Variants in BRIP1 observed in about 807,000 individuals in gnomAD.
The protein encoded by BRIP1 is BRCA1 interacting DNA helicase 1, also known as Fanconi anemia group J protein.
In BRIP1, 88 loss-of-function variants were observed where a neutral mutation model predicts 119.7. The observed-to-expected ratio is 0.74, with a 90% CI of 0.62 to 0.88. The LOEUF (loss-of-function observed/expected upper bound fraction) is 0.88, where lower values mean the gene tolerates loss of function less well. Ranked by LOEUF, BRIP1 falls within the 40% of genes least tolerant of loss-of-function variation. BRIP1 has a pLI of 0.00. For missense variants in BRIP1, 1,259 were observed against 1,455.4 expected (o/e 0.87, Z 2.20); for synonymous variants, 443 against 496.5 (o/e 0.89, Z 1.43).
chr17:61,790,432 G>A (rs1283117491), intron 10 of BRIP1, among the ~76,000 whole-genome samples: 1 of 151,936 alleles, frequency 6.6e-6, no homozygotes, highest in Non-Finnish European at 1.5e-5. Flanking sequence ...TGTAATCCCA[G>A]CTACTTGGGA....
At chr17:61,847,267 A>G in intron 5 of BRIP1, 47 bp from the exon 6 acceptor site, 2 of 1,608,244 alleles carry the variant, frequency 1.2e-6, no homozygotes, top group Non-Finnish European at 1.7e-6. Context: ...CTAGAAGTTT[A>G]ACTGGCTAGT....
rs2078510561 is a variant in BRIP1 at position 61,832,612 on chromosome 17, C to T, written c.627+14489G>A. Among the ~76,000 whole-genome samples the T allele has an allele frequency of 6.6e-6, 1 of 152,120 alleles. No homozygotes were observed. Among genetic ancestry groups the T allele is most frequent in the South Asian group, 2.1e-4 (1 of 4,836 alleles). On this transcript the variant is annotated intron_variant, in intron 6 of 19. Transcript: ENST00000259008. This position sits in a 1 kb window ranked among gnomAD's most constrained non-coding sequence, Gnocchi z 5.5. The stretch of plus-strand genomic sequence containing the variant: ...TAATGAGAAAACCCAAATTAAGAGA[C>T]ATTCTAGATAAGCTGTAATATTCTG...
chr17:61,771,603 A>G (rs1044712150), intron 14 of BRIP1, among the ~76,000 whole-genome samples: 8 of 152,190 alleles, frequency 5.3e-5, no homozygotes, highest in African/African-American at 2.4e-5. Context: ...ATCCTTGTGC[A>G]CTGCTGATGG....
chr17:61,712,386 G>A (rs1035887836), intron 17 of BRIP1, among the ~76,000 whole-genome samples: 7 of 151,784 alleles, frequency 4.6e-5, no homozygotes, highest in Non-Finnish European at 1.0e-4. Context: ...GCTAATTTTT[G>A]TATTTTTAGT....
intron 14 of BRIP1, among the ~76,000 whole-genome samples, chr17:61,763,589 A>C (rs1178347448): frequency 6.6e-6 from 1 of 152,134 alleles, no homozygotes; most frequent in Non-Finnish European, 1.5e-5. Context: ...AAAGGCAAAC[A>C]ACCAACGCAC....
Position 61,690,800 on chromosome 17 carries a change from T to C in BRIP1, c.2575+2630A>G, listed in dbSNP as rs538552250. Reference sequence around the variant, plus strand: ...TCTTTTATGTGGAAAACCCTAAAGATTGAAAAAAAACCTGTTAGGACTAAT... The same window carrying C: ...TCTTTTATGTGGAAAACCCTAAAGACTGAAAAAAAACCTGTTAGGACTAAT... On this transcript the variant is annotated intron_variant, in intron 18 of 19. Coordinates refer to ENST00000259008, the MANE Select transcript of BRIP1 (RefSeq NM_032043.3). This position sits in a 1 kb window ranked among gnomAD's most constrained non-coding sequence, Gnocchi z 5.6. Among the ~76,000 whole-genome samples the C allele has an allele frequency of 5.6e-4, 85 of 151,906 alleles. No homozygotes were observed. Among genetic ancestry groups the C allele is most frequent in the African/African-American group, 2.0e-3 (81 of 41,454 alleles).
In BRIP1 at chr17:61,744,701, T is replaced by C; in HGVS notation, c.2098-110A>G. On this transcript the variant is annotated intron_variant, in intron 14 of 19. Transcript: ENST00000259008. The surrounding 1 kb of genome is among the most constrained non-coding windows in gnomAD (Gnocchi z 5.0). Reference sequence around the variant, plus strand: ...GCAAGTATATTAATCTCTCTGTGTCTTTTCTCATTTATAAAATGAGGAAAA... The same window carrying C: ...GCAAGTATATTAATCTCTCTGTGTCCTTTCTCATTTATAAAATGAGGAAAA... 1 of 956,516 alleles carries C rather than the reference T, an allele frequency of 1.0e-6. No homozygotes were observed. The highest frequency in any genetic ancestry group is 1.7e-6 in the Non-Finnish European group (1 of 604,838). The allele number at this position is 956,516 out of a possible 1,614,324, so 59.3% of individuals were successfully genotyped here.
intron 8 of BRIP1, among the ~76,000 whole-genome samples, chr17:61,800,298 A>G (rs2077970472): frequency 6.6e-6 from 1 of 152,196 alleles, no homozygotes; most frequent in Non-Finnish European, 1.5e-5. Flanking sequence ...ATACACAGAC[A>G]GCTGAAAAGT....
Position 61,824,514 on chromosome 17 carries a change from T to C in BRIP1, c.628-15757A>G, listed in dbSNP as rs952587004. On this transcript the variant is annotated intron_variant, in intron 6 of 19. Coordinates refer to ENST00000259008, the MANE Select transcript of BRIP1 (RefSeq NM_032043.3). This position sits in a 1 kb window ranked among gnomAD's most constrained non-coding sequence, Gnocchi z 4.3. ...AATTCCAAAAGCAAACCCCCACATA[T>C]ATGGTCAAATAATTTTCAGCAGCCT... Among the ~76,000 whole-genome samples the C allele has an allele frequency of 1.3e-5, 2 of 152,134 alleles. No homozygotes were observed. Among genetic ancestry groups the C allele is most frequent in the Non-Finnish European group, 2.9e-5 (2 of 68,034 alleles).
rs2061351855 is a variant in BRIP1, at chr17:61,685,844, T to C, written c.2897A>G (p.Lys966Arg). 1 of 1,609,318 alleles carries C rather than the reference T, an allele frequency of 6.2e-7. No homozygotes were observed. The highest frequency in any genetic ancestry group is 1.1e-5 in the South Asian group (1 of 90,792). Reference protein sequence around the residue: ...SPLPSSIISRKEKNDPVFLEE... With the variant: ...SPLPSSIISRREKNDPVFLEE... ...GGAAGAACTTTTCATACTTTTCTCC[T>C]TTCTGGAGATAATGCTACTTGGTAG... The change falls in exon 19 of 20, where the codon AAG becomes AGG. Residue 966 changes from lysine to arginine, a missense_variant. Physicochemically the swap from Lys to Arg is conservative, Grantham distance 26 (BLOSUM62 2). Around this residue, in one of 3 missense-constraint regions of BRIP1, gnomAD observed 753 missense variants for 891.8 expected, o/e 0.84. Transcript: ENST00000259008.
chr17:61,790,717 G>A (rs2077803469), intron 10 of BRIP1, among the ~76,000 whole-genome samples: 1 of 151,652 alleles, frequency 6.6e-6, no homozygotes, highest in African/African-American at 2.4e-5. Flanking sequence ...ATGGTTCACT[G>A]TAGCCTCAAC....
rs1203974119 is a variant in BRIP1 at position 61,767,342 on chromosome 17, T to C, written c.2097+9059A>G. Among the ~76,000 whole-genome samples the C allele has an allele frequency of 6.6e-6, 1 of 152,150 alleles. No individual in the cohort carries two copies. The highest frequency in any genetic ancestry group is 1.5e-5 in the Non-Finnish European group (1 of 68,026). ...GCCAAGCTGGAGTGCAGTGGTGTGA[T>C]CACAGCTCACTGCAGCCTCAAACTT... On this transcript the variant is annotated intron_variant, in intron 14 of 19. Coordinates refer to ENST00000259008, the MANE Select transcript of BRIP1 (RefSeq NM_032043.3). This position sits in a 1 kb window ranked among gnomAD's most constrained non-coding sequence, Gnocchi z 5.7.
chr17:61,755,831 G>A lies in BRIP1; in HGVS notation c.2098-11240C>T, dbSNP rs565872909. ...CTAAGTCTGAGATACTGCAAGTTAC[G>A]AGAGGAAAGGATGGTCACAATTTGG... On this transcript the variant is annotated intron_variant, in intron 14 of 19. Coordinates refer to ENST00000259008, the MANE Select transcript of BRIP1 (RefSeq NM_032043.3). This position sits in a 1 kb window ranked among gnomAD's most constrained non-coding sequence, Gnocchi z 4.5. 2.6e-5 allele frequency among the ~76,000 whole-genome samples: 4 copies of A among 152,238 alleles called. No homozygotes were observed. The highest frequency in any genetic ancestry group is 2.1e-4 in the South Asian group (1 of 4,820).
chr17:61,839,470 C>T (rs1273759152), intron 6 of BRIP1, among the ~76,000 whole-genome samples: 1 of 151,904 alleles, frequency 6.6e-6, no homozygotes, highest in Non-Finnish European at 1.5e-5. Flanking sequence ...TCATAGACTA[C>T]CATGAAAAGA....
In BRIP1 at chr17:61,758,877, T is replaced by C. The variant is rs1022449131; in HGVS notation, c.2098-14286A>G. On this transcript the variant is annotated intron_variant, in intron 14 of 19. Coordinates refer to ENST00000259008, the MANE Select transcript of BRIP1 (RefSeq NM_032043.3). This position sits in a 1 kb window ranked among gnomAD's most constrained non-coding sequence, Gnocchi z 5.3. ...TTTTAAAAAATGTATCTGGGTGTGG[T>C]GGCACATGCCTGTAGTACCAGCTAC... Among the ~76,000 whole-genome samples, 18 of 151,808 alleles carry C rather than the reference T, an allele frequency of 1.2e-4. No individual in the cohort carries two copies. Among genetic ancestry groups the C allele is most frequent in the Non-Finnish European group, 2.5e-4 (17 of 67,946 alleles).
Position 61,825,060 on chromosome 17 carries a change from C to T in BRIP1, c.628-16303G>A, listed in dbSNP as rs547982492. On this transcript the variant is annotated intron_variant, in intron 6 of 19. Transcript: ENST00000259008. The surrounding 1 kb of genome is among the most constrained non-coding windows in gnomAD (Gnocchi z 4.1). ...CAACACTTTGGGAGGCTGAGGCAGG[C>T]GGATCGCAAGGTCAGGAGATCGAGA... Among the ~76,000 whole-genome samples, 242 of 152,030 alleles carry T rather than the reference C, an allele frequency of 1.6e-3. No individual in the cohort carries two copies. Among genetic ancestry groups the T allele is most frequent in the African/African-American group, 5.4e-3 (224 of 41,480 alleles).
chr17:61,855,317 C>T (rs949960646), intron 4 of BRIP1, among the ~76,000 whole-genome samples: 1 of 152,140 alleles, frequency 6.6e-6, no homozygotes, highest in Admixed American at 6.5e-5. Flanking sequence ...GTCGCTCACG[C>T]CTATAATCCC....
chr17:61,796,306 G>A lies in BRIP1; in HGVS notation c.1341-2577C>T, dbSNP rs1174371291. ...TGCTTTGGTTACCTGTGCTTGTGGG[G>A]TATTGCTCAAGAAGTTGTTCCCCAG... On this transcript the variant is annotated intron_variant, in intron 9 of 19. Transcript: ENST00000259008. The surrounding 1 kb of genome is among the most constrained non-coding windows in gnomAD (Gnocchi z 4.8). 6.6e-6 allele frequency among the ~76,000 whole-genome samples: 1 copy of A among 152,164 alleles called. No individual in the cohort carries two copies. The highest frequency in any genetic ancestry group is 6.5e-5 in the Admixed American group (1 of 15,268).
Position 61,822,519 on chromosome 17 carries a change from C to A in BRIP1, c.628-13762G>T, listed in dbSNP as rs751311223. 2.0e-5 allele frequency among the ~76,000 whole-genome samples: 3 copies of A among 152,114 alleles called. No individual in the cohort carries two copies. The highest frequency in any genetic ancestry group is 2.9e-5 in the Non-Finnish European group (2 of 68,020). On this transcript the variant is annotated intron_variant, in intron 6 of 19. Transcript: ENST00000259008. The surrounding 1 kb of genome is among the most constrained non-coding windows in gnomAD (Gnocchi z 4.4). ...GAACTGGACAGACTATCCAGTAAGGCCAGTCAAATCAATCATACAGGTTAA... is the reference window on the plus strand; with the variant it reads ...GAACTGGACAGACTATCCAGTAAGGACAGTCAAATCAATCATACAGGTTAA...
Sources: gnomAD v4.1 joint callset for allele counts (sites outside exome capture counted in the v4.1 genomes callset) on GRCh38, gnomAD v4.1.1 for gene constraint, gnomAD v4.1.1 regional missense constraint, Gnocchi (gnomAD v3.1) non-coding constraint, MANE v1.5 for transcripts, NCBI Gene and HGNC (gene_info 2026-07-23, HGNC 2026-07-21) for gene names.